Variants in WNT7A observed in about 807,000 individuals in gnomAD.
WNT7A encodes Wnt family member 7A, also known as protein Wnt-7a.
A neutral mutation model predicts 28.2 loss-of-function variants in WNT7A; 16 were observed. The ratio of observed to expected loss-of-function variants is 0.57; its 90% CI spans 0.38 to 0.86. WNT7A has a LOEUF of 0.86. Ranked by LOEUF, WNT7A falls within the 40% of genes least tolerant of loss-of-function variation. The probability of loss-of-function intolerance (pLI) is 0.00; values close to 1 mark genes in which losing one functional copy is unlikely to be tolerated. For missense variants in WNT7A, 411 were observed against 489.7 expected (o/e 0.84, Z 1.52); for synonymous variants, 190 against 195.9 (o/e 0.97, Z 0.25).
At chr3:13,833,080 C>G (rs1043049413) in intron 3 of WNT7A, among the ~76,000 whole-genome samples, 5 of 152,092 alleles carry the variant, frequency 3.3e-5, no homozygotes, top group African/African-American at 7.2e-5. Flanking sequence ...TCCTACCCCC[C>G]CAGTAACCTG....
chr3:13,871,843 C>A (rs1695030588), intron 2 of WNT7A, among the ~76,000 whole-genome samples: 1 of 152,168 alleles, frequency 6.6e-6, no homozygotes, highest in Non-Finnish European at 1.5e-5. Context: ...TATTGTCTCC[C>A]CTCCAGAAGG....
At chr3:13,847,164 C>T (rs1293075081) in intron 3 of WNT7A, among the ~76,000 whole-genome samples, 3 of 152,246 alleles carry the variant, frequency 2.0e-5, no homozygotes, top group Admixed American at 6.5e-5. Context: ...CACCCTCCGC[C>T]CCAGCCTGGG....
chr3:13,870,764 C>G (rs1316852305), intron 2 of WNT7A, among the ~76,000 whole-genome samples: 1 of 152,246 alleles, frequency 6.6e-6, no homozygotes, highest in South Asian at 2.1e-4. Context: ...CAAAGGCCGT[C>G]CCGCTGCCCC....
At chr3:13,851,739 G>C (rs1488335247) in intron 3 of WNT7A, among the ~76,000 whole-genome samples, 5 of 152,162 alleles carry the variant, frequency 3.3e-5, no homozygotes, top group Admixed American at 3.3e-4. Flanking sequence ...ACCATCCAAA[G>C]ATTTCAGCAC....
At chr3:13,825,683 G>A (rs978757432) in intron 3 of WNT7A, among the ~76,000 whole-genome samples, 1 of 152,182 alleles carries the variant, frequency 6.6e-6, no homozygotes, top group Non-Finnish European at 1.5e-5. Context: ...CCTTCAGGGT[G>A]TGGGGCCCTG....
At chr3:13,876,531 C>A (rs891756841) in intron 1 of WNT7A, among the ~76,000 whole-genome samples, 1 of 152,146 alleles carries the variant, frequency 6.6e-6, no homozygotes, top group Admixed American at 6.5e-5. Flanking sequence ...CAGGTAGAGC[C>A]ACTGGACAAG....
Position 13,818,762 on chromosome 3 carries a change from G to T in WNT7A, c.*182C>A. 1.1e-6 allele frequency: 1 copy of T among 945,006 alleles called. No individual in the cohort carries two copies. Among genetic ancestry groups the T allele is most frequent in the Non-Finnish European group, 1.5e-6 (1 of 658,938 alleles). The allele number at this position is 945,006 out of a possible 1,614,324, so 58.5% of individuals were successfully genotyped here. On this transcript the variant is annotated 3_prime_UTR_variant, in exon 4 of 4. Transcript: ENST00000285018. ...GTGGAGCAGCATTGGGTGTGGAACA[G>T]AATAGTTGAGGGCTCTGAGAGATTT...
intron 3 of WNT7A, among the ~76,000 whole-genome samples, chr3:13,819,805 G>A (rs1487424792): frequency 6.6e-6 from 1 of 152,192 alleles, no homozygotes; most frequent in East Asian, 1.9e-4. Flanking sequence ...CATACTTTAT[G>A]ATTCCATTTA....
chr3:13,875,304 C>T, intron 1 of WNT7A, 131 bp from the exon 2 acceptor site: 1 of 815,596 alleles, frequency 1.2e-6, no homozygotes, highest in Non-Finnish European at 2.0e-6. Context: ...TTTGATCCTG[C>T]ACCCCTAACT....
chr3:13,819,467 G>T (rs375254806), intron 3 of WNT7A, 44 bp from the exon 4 acceptor site: 72 of 1,596,764 alleles, frequency 4.5e-5, no homozygotes, highest in Non-Finnish European at 2.1e-5. Flanking sequence ...GTCACTGCAC[G>T]CCAAGGCCAA....
chr3:13,819,567 G>A, intron 3 of WNT7A, 144 bp from the exon 4 acceptor site: 1 of 1,203,734 alleles, frequency 8.3e-7, no homozygotes, highest in Non-Finnish European at 1.1e-6. Flanking sequence ...AGGAAACTCA[G>A]ACCTGGATTC....
At chr3:13,828,780 TACCTC>T (rs1694236338) in intron 3 of WNT7A, among the ~76,000 whole-genome samples, 2 of 152,222 alleles carry the variant, frequency 1.3e-5, no homozygotes, top group Non-Finnish European at 2.9e-5. Context: ...GGACTACTTG[TACCTC>T]AGGTTATAAG....
chr3:13,845,953 C>A (rs1282425557), intron 3 of WNT7A, among the ~76,000 whole-genome samples: 2 of 152,242 alleles, frequency 1.3e-5, no homozygotes, highest in African/African-American at 2.4e-5. Flanking sequence ...CTGGTCCCTG[C>A]ACCAGGTGTG....
At chr3:13,868,737 A>G (rs1462422952) in intron 2 of WNT7A, among the ~76,000 whole-genome samples, 1 of 145,464 alleles carries the variant, frequency 6.9e-6, no homozygotes, top group African/African-American at 2.6e-5. Flanking sequence ...AGAAAGAAAG[A>G]AGAGAAAGAA....
At chr3:13,839,780 A>G (rs1395857343) in intron 3 of WNT7A, among the ~76,000 whole-genome samples, 1 of 152,232 alleles carries the variant, frequency 6.6e-6, no homozygotes, top group Non-Finnish European at 1.5e-5. Flanking sequence ...GTGAGCAAGT[A>G]AATCACTCAG....
chr3:13,872,939 A>G (rs189201931), intron 2 of WNT7A, among the ~76,000 whole-genome samples: 293 of 152,262 alleles, frequency 1.9e-3, no homozygotes, highest in Non-Finnish European at 3.4e-3. Context: ...TTCCTCATCT[A>G]TAACATCTTA....
rs1254106638 is a variant in WNT7A at position 13,818,004 on chromosome 3, C to G, written c.*940G>C. On this transcript the variant is annotated 3_prime_UTR_variant, in exon 4 of 4. Transcript: ENST00000285018. ...TCAAGAATCCAGCTGTGCAAGGGGCCCCATGGGGCCTGACGCCACAACCAG... is the reference window on the plus strand; with the variant it reads ...TCAAGAATCCAGCTGTGCAAGGGGCGCCATGGGGCCTGACGCCACAACCAG... 6.6e-6 allele frequency: 1 copy of G among 152,160 alleles called. No individual in the cohort carries two copies. Among genetic ancestry groups the G allele is most frequent in the Non-Finnish European group, 1.5e-5 (1 of 68,040 alleles). 9.4% of individuals were successfully genotyped at this position (152,160 alleles called of 1,614,324 possible).
intron 2 of WNT7A, among the ~76,000 whole-genome samples, chr3:13,874,694 G>C (rs1695076993): frequency 6.6e-6 from 1 of 151,876 alleles, no homozygotes; most frequent in Non-Finnish European, 1.5e-5. Flanking sequence ...CACCAGCACT[G>C]TATCAGAGGT....
At chr3:13,865,549 AGACAT>A (rs1694897549) in intron 2 of WNT7A, among the ~76,000 whole-genome samples, 1 of 152,252 alleles carries the variant, frequency 6.6e-6, no homozygotes, top group South Asian at 2.1e-4. Context: ...GAAAATGTGC[AGACAT>A]GAACGTGCAG....
Sources: allele counts gnomAD v4.1 joint callset (sites outside exome capture counted in the v4.1 genomes callset), GRCh38; gene constraint gnomAD v4.1.1; transcripts MANE v1.5; gene names NCBI Gene and HGNC (gene_info 2026-07-23, HGNC 2026-07-21).